Variants in DPYD observed in about 807,000 individuals in gnomAD.
The protein encoded by DPYD is dihydropyrimidine dehydrogenase.
In DPYD, 109 loss-of-function variants were observed where a neutral mutation model predicts 116.2. The observed-to-expected ratio is 0.94, with a 90% CI of 0.80 to 1.10. DPYD has a LOEUF of 1.10. DPYD is among the 50% of genes least tolerant of loss of function. The pLI, the probability that DPYD is intolerant of heterozygous loss-of-function variation, is 0.00. For missense variants in DPYD, 1,302 were observed against 1,254.5 expected (o/e 1.04, Z -0.57); for synonymous variants, 440 against 432.0 (o/e 1.02, Z -0.23).
chr1:97,115,841 T>C (rs1651926095), intron 20 of DPYD, among the ~76,000 whole-genome samples: 1 of 152,146 alleles, frequency 6.6e-6, no homozygotes, highest in South Asian at 2.1e-4. Context: ...ATATGATAAG[T>C]AGACCTGAGG....
rs148187128 is a variant in DPYD, at chr1:97,643,477, A to G, written c.850+35618T>C. 2.1e-3 allele frequency among the ~76,000 whole-genome samples: 315 copies of G among 152,288 alleles called. 1 individual carries two copies. The highest frequency in any genetic ancestry group is 7.2e-3 in the African/African-American group (298 of 41,572). Reference sequence around the variant, plus strand: ...TGTGGAGAAATAGGAACACTTTTACACTGTTGGTGGGAATGTAAATTAGTT... The same window carrying G: ...TGTGGAGAAATAGGAACACTTTTACGCTGTTGGTGGGAATGTAAATTAGTT... On this transcript the variant is annotated intron_variant, in intron 8 of 22. Coordinates refer to ENST00000370192, the MANE Select transcript of DPYD (RefSeq NM_000110.4).
chr1:97,129,338 T>C (rs1002320719), intron 20 of DPYD, among the ~76,000 whole-genome samples: 1 of 152,062 alleles, frequency 6.6e-6, no homozygotes, highest in Non-Finnish European at 1.5e-5. Flanking sequence ...AGTGCTGGGA[T>C]TACAGGTGTG....
At chr1:97,298,011 T>G (rs1475398726) in intron 18 of DPYD, among the ~76,000 whole-genome samples, 1 of 152,174 alleles carries the variant, frequency 6.6e-6, no homozygotes, top group Non-Finnish European at 1.5e-5. Context: ...AAAGACTGTG[T>G]TCCACTTTTT....
intron 3 of DPYD, among the ~76,000 whole-genome samples, chr1:97,798,616 C>T (rs1348945560): frequency 6.6e-6 from 1 of 151,700 alleles, no homozygotes; most frequent in Non-Finnish European, 1.5e-5. Flanking sequence ...TGTCCATGTA[C>T]GTACAATATG....
intron 7 of DPYD, among the ~76,000 whole-genome samples, chr1:97,690,535 A>C (rs1352927438): frequency 6.6e-6 from 1 of 152,040 alleles, no homozygotes; most frequent in East Asian, 1.9e-4. Context: ...CATCACCTCA[A>C]ACATTTCCCA....
chr1:97,543,636 A>T (rs566505462), intron 12 of DPYD, among the ~76,000 whole-genome samples: 5 of 152,330 alleles, frequency 3.3e-5, no homozygotes, highest in Non-Finnish European at 5.9e-5. Context: ...GACATTACAG[A>T]AATTTTTTTA....
chr1:97,914,400 A>G (rs546198549), intron 1 of DPYD, among the ~76,000 whole-genome samples: 4 of 152,320 alleles, frequency 2.6e-5, no homozygotes, highest in East Asian at 1.9e-4. Context: ...ACATGGAAAT[A>G]CAAGGGTTTG....
intron 13 of DPYD, among the ~76,000 whole-genome samples, chr1:97,474,062 T>C (rs1467806893): frequency 6.9e-6 from 1 of 144,616 alleles, no homozygotes; most frequent in Non-Finnish European, 1.5e-5. Context: ...AAACACAGTA[T>C]AAAAGTTTCT....
intron 16 of DPYD, among the ~76,000 whole-genome samples, chr1:97,362,208 C>T (rs1033008088): frequency 6.6e-5 from 10 of 151,800 alleles, no homozygotes; most frequent in African/African-American, 2.4e-4. Flanking sequence ...TTCACGATTG[C>T]TACAGAGAAT....
chr1:97,594,799 A>G (rs1184888972), intron 9 of DPYD, among the ~76,000 whole-genome samples: 5 of 152,152 alleles, frequency 3.3e-5, no homozygotes, highest in Non-Finnish European at 5.9e-5. Flanking sequence ...CTTACCTTGA[A>G]GCAATTTTTC....
chr1:97,147,856 A>G (rs1369205035), intron 20 of DPYD, among the ~76,000 whole-genome samples: 2 of 152,188 alleles, frequency 1.3e-5, no homozygotes, highest in African/African-American at 4.8e-5. Flanking sequence ...GGTAGAATCA[A>G]GAGGGTGAGT....
chr1:97,875,663 A>AT (rs971702722), intron 2 of DPYD, among the ~76,000 whole-genome samples: 23 of 152,070 alleles, frequency 1.5e-4, no homozygotes, highest in African/African-American at 5.5e-4. Flanking sequence ...TTCACAGTAT[A>AT]TTTTTCCCTC....
intron 14 of DPYD, among the ~76,000 whole-genome samples, chr1:97,397,984 T>C (rs907937260): frequency 6.6e-6 from 1 of 152,072 alleles, no homozygotes; most frequent in Non-Finnish European, 1.5e-5. Flanking sequence ...TTAGGATACA[T>C]GTGCACAATG....
chr1:97,802,225 T>C (rs142881749), intron 3 of DPYD, among the ~76,000 whole-genome samples: 351 of 152,038 alleles, frequency 2.3e-3, no homozygotes, highest in Non-Finnish European at 4.0e-3. Flanking sequence ...CAGTTGGCTC[T>C]AGCAAATTCT....
intron 4 of DPYD, 66 bp downstream of exon 4, chr1:97,740,326 C>T (rs552193308): frequency 7.5e-7 from 1 of 1,336,542 alleles, no homozygotes; most frequent in Non-Finnish European, 1.1e-6. Flanking sequence ...TATTCTGTAC[C>T]CACAGATAAT....
chr1:97,224,528 T>C (rs1034181091), intron 19 of DPYD, among the ~76,000 whole-genome samples: 2 of 151,976 alleles, frequency 1.3e-5, no homozygotes, highest in African/African-American at 2.4e-5. Flanking sequence ...GTGTCTAAAA[T>C]CTACTCTCTT....
intron 10 of DPYD, among the ~76,000 whole-genome samples, chr1:97,577,782 T>C (rs1653362166): frequency 6.6e-6 from 1 of 152,076 alleles, no homozygotes; most frequent in Non-Finnish European, 1.5e-5. Flanking sequence ...AAATCTATTA[T>C]TTGTCTTGTT....
intron 22 of DPYD, 101 bp from the exon 23 acceptor site, chr1:97,079,247 T>C: frequency 8.0e-7 from 1 of 1,254,842 alleles, no homozygotes; most frequent in South Asian, 1.2e-5. Flanking sequence ...GGAGCCACAC[T>C]ATGAGACAAC....
At chr1:97,217,536 A>C (rs1052299165) in intron 19 of DPYD, among the ~76,000 whole-genome samples, 7 of 151,570 alleles carry the variant, frequency 4.6e-5, no homozygotes, top group African/African-American at 1.7e-4. Flanking sequence ...TTTCTTTTAC[A>C]ATCATTATTT....
Sources: allele counts gnomAD v4.1 joint callset (sites outside exome capture counted in the v4.1 genomes callset), GRCh38; gene constraint gnomAD v4.1.1; transcripts MANE v1.5; gene names NCBI Gene and HGNC (gene_info 2026-07-23, HGNC 2026-07-21).